Variants in FMN1 observed in about 807,000 individuals in gnomAD.
FMN1 encodes the protein formin-1.
In FMN1, 110 loss-of-function variants were observed where a neutral mutation model predicts 132.4. The ratio of observed to expected loss-of-function variants is 0.83; its 90% CI spans 0.71 to 0.97. The LOEUF (loss-of-function observed/expected upper bound fraction) is 0.97, where lower values mean the gene tolerates loss of function less well. FMN1 is among the 50% of genes least tolerant of loss of function. FMN1 has a pLI of 0.00. For missense variants in FMN1, 1,792 were observed against 1,705.3 expected (o/e 1.05, Z -0.90); for synonymous variants, 722 against 651.7 (o/e 1.11, Z -1.64).
At chr15:33,057,717 C>G (rs2037282909) in intron 6 of FMN1, among the ~76,000 whole-genome samples, 1 of 152,196 alleles carries the variant, frequency 6.6e-6, no homozygotes, top group Non-Finnish European at 1.5e-5. Flanking sequence ...CCTTTCTCAT[C>G]TCATGTTCTC....
chr15:33,017,599 G>A (rs7174332), intron 6 of FMN1, among the ~76,000 whole-genome samples: 37,459 of 152,062 alleles, frequency 0.25, 5,096 homozygotes, highest in Non-Finnish European at 0.3. Context: ...ATAACTGGGA[G>A]AAATCCCATG....
chr15:33,174,105 G>A (rs1370471116), intron 3 of FMN1, among the ~76,000 whole-genome samples: 1 of 151,948 alleles, frequency 6.6e-6, no homozygotes, highest in East Asian at 1.9e-4. Context: ...GGGTTATTAA[G>A]CTTATAGAGG....
intron 5 of FMN1, among the ~76,000 whole-genome samples, chr15:33,084,969 G>C (rs921271406): frequency 2.6e-5 from 4 of 152,220 alleles, no homozygotes; most frequent in Non-Finnish European, 4.4e-5. Flanking sequence ...TGCAAGTCAG[G>C]TTTAAAACTG....
intron 16 of FMN1, among the ~76,000 whole-genome samples, chr15:32,872,480 T>C (rs553689172): frequency 6.6e-6 from 1 of 152,360 alleles, no homozygotes; most frequent in South Asian, 2.1e-4. Flanking sequence ...ATAGTACTCC[T>C]ATAGGAATGC....
chr15:33,019,059 G>A (rs1000304246), intron 6 of FMN1, among the ~76,000 whole-genome samples: 2 of 152,166 alleles, frequency 1.3e-5, no homozygotes, highest in Non-Finnish European at 2.9e-5. Context: ...TACCACTGCT[G>A]GCTCCGGCAG....
chr15:32,819,851 G>C (rs1233846028), intron 17 of FMN1, among the ~76,000 whole-genome samples: 1 of 152,028 alleles, frequency 6.6e-6, no homozygotes, highest in Non-Finnish European at 1.5e-5. Context: ...ATTATTTTAT[G>C]GTTAGTTTAA....
chr15:32,890,399 A>G (rs2059998975), intron 15 of FMN1, among the ~76,000 whole-genome samples: 1 of 151,982 alleles, frequency 6.6e-6, no homozygotes, highest in South Asian at 2.1e-4. Flanking sequence ...GCAGTGTAGA[A>G]CTGTTCCCTG....
At chr15:32,778,967 ATAC>A (rs1567152998) in intron 19 of FMN1, among the ~76,000 whole-genome samples, 1 of 152,158 alleles carries the variant, frequency 6.6e-6, no homozygotes, top group Admixed American at 6.5e-5. Context: ...ATACAATGGA[ATAC>A]TACTGAGCCA....
At chr15:33,020,842 C>A (rs563984018) in intron 6 of FMN1, among the ~76,000 whole-genome samples, 1 of 152,236 alleles carries the variant, frequency 6.6e-6, no homozygotes, top group Non-Finnish European at 1.5e-5. Flanking sequence ...GCCCTTTAAG[C>A]CTGTGTTTTC....
At position 33,153,426 on chromosome 15, in the gene FMN1, GTGC is replaced by G; in HGVS notation, c.1486_1488del (p.Ala496del). ...TTAAACACCTTGCCAAGAGCTGCCG[GTGC>G]TGGTGGGGATGGCTTCTTCTTATCA... On this transcript the variant is annotated inframe_deletion, in exon 4 of 21. Transcript: ENST00000616417. The G allele has an allele frequency of 2.0e-6, 3 of 1,536,876 alleles. No individual in the cohort carries two copies. Among genetic ancestry groups the G allele is most frequent in the Non-Finnish European group, 2.6e-6 (3 of 1,147,034 alleles).
intron 3 of FMN1, among the ~76,000 whole-genome samples, chr15:33,173,570 C>G (rs566470633): frequency 6.6e-6 from 1 of 152,334 alleles, no homozygotes; most frequent in Admixed American, 6.5e-5. Flanking sequence ...GAGGCCAGAA[C>G]AAGATGCTGT....
chr15:32,861,473 G>C (rs997021212), intron 16 of FMN1, among the ~76,000 whole-genome samples: 1 of 152,204 alleles, frequency 6.6e-6, no homozygotes, highest in African/African-American at 2.4e-5. Flanking sequence ...ACTCAGGTGG[G>C]CTGTGGCTTG....
intron 4 of FMN1, among the ~76,000 whole-genome samples, chr15:33,106,947 G>A (rs1345990886): frequency 6.6e-6 from 1 of 151,990 alleles, no homozygotes; most frequent in African/African-American, 2.4e-5. Context: ...CAGCTCTAGT[G>A]ACTTCCAAAT....
chr15:32,787,847 TAA>T (rs533968033), intron 19 of FMN1, among the ~76,000 whole-genome samples: 3 of 148,010 alleles, frequency 2.0e-5, no homozygotes, highest in East Asian at 1.9e-4. Context: ...CCTTGTCTCT[TAA>T]AAAAAAAAAG....
intron 7 of FMN1, among the ~76,000 whole-genome samples, chr15:32,983,720 AT>A (rs1298919537): frequency 6.6e-6 from 1 of 152,224 alleles, no homozygotes; most frequent in African/African-American, 2.4e-5. Flanking sequence ...TCCGAAAAGT[AT>A]CTAAAGCATT....
At chr15:32,810,224 CTTAT>C (rs1158372391) in intron 17 of FMN1, among the ~76,000 whole-genome samples, 1 of 152,178 alleles carries the variant, frequency 6.6e-6, no homozygotes, top group East Asian at 1.9e-4. Context: ...GCCTTGTGTA[CTTAT>C]TTGACAGATG....
chr15:32,862,286 T>G (rs2059288720), intron 16 of FMN1, among the ~76,000 whole-genome samples: 5 of 152,180 alleles, frequency 3.3e-5, no homozygotes, highest in Admixed American at 3.3e-4. Context: ...GCGTGGGCTG[T>G]GCCAGGAGCT....
intron 3 of FMN1, among the ~76,000 whole-genome samples, chr15:33,157,762 C>T (rs752417321): frequency 1.3e-5 from 2 of 151,958 alleles, no homozygotes; most frequent in East Asian, 1.9e-4. Flanking sequence ...GAGGCCAAGG[C>T]GGGAGGTTGC....
chr15:33,000,366 GTGAACCTGGGAGGCAGAGCTTGC>G (rs2140906207), intron 7 of FMN1, among the ~76,000 whole-genome samples: 1 of 151,140 alleles, frequency 6.6e-6, no homozygotes, highest in South Asian at 2.1e-4. Flanking sequence ...GGAGAATGGC[GTGAACCTGGGAGGCAGAGCTTGC>G]AGTGAGCCGA....
Sources: gnomAD v4.1 joint callset for allele counts (sites outside exome capture counted in the v4.1 genomes callset) on GRCh38, gnomAD v4.1.1 for gene constraint, MANE v1.5 for transcripts, NCBI Gene and HGNC (gene_info 2026-07-23, HGNC 2026-07-21) for gene names.